Variants in AFF3 observed in about 807,000 individuals in gnomAD.
AFF3 encodes the protein ALF transcription elongation factor 3.
AFF3 carries 32 observed loss-of-function variants against 129.7 expected under a neutral mutation model. The ratio of observed to expected loss-of-function variants is 0.25; its 90% confidence interval spans 0.19 to 0.33. The LOEUF (loss-of-function observed/expected upper bound fraction) is 0.33. AFF3 is among the 10% of genes least tolerant of loss of function. The pLI is 1.00. For missense variants in AFF3, 1,373 were observed against 1,592.0 expected, an observed-to-expected ratio of 0.86 and a Z score of 2.34; for synonymous variants, 644 against 635.4, an observed-to-expected ratio of 1.01 and a Z score of -0.20.
chr2:99,837,505 G>C lies in AFF3; in HGVS notation c.893C>G (p.Thr298Ser). Residue 298 changes from threonine (T) to serine (S), a missense_variant, in exon 8 of 25, where the codon ACC becomes AGC. This residue lies in a region of AFF3 where 413 missense variants were observed against 424.4 expected (regional missense o/e 0.97). Coordinates refer to ENST00000672756, the MANE Select transcript of AFF3 (RefSeq NM_001386135.1). ...GATTATTTCTTCAACACAGCTGTTG[G>C]TTTCTCCAGATCTACTCTCCTGAAA... is the stretch of plus-strand genomic sequence containing the variant. ...KQGEESRSGE[T>S]NSCVEEIIRE... The C allele has an allele frequency of 6.2e-7, 1 of 1,613,676 alleles. No individual in the cohort carries two copies. Among genetic ancestry groups the C allele is most frequent in the South Asian group, 1.1e-5 (1 of 91,066 alleles).
chr2:100,104,772 C>T (rs1691112575), intron 3 of AFF3: 1 of 914,652 alleles, frequency 1.1e-6, no homozygotes, highest in Non-Finnish European at 1.3e-6. Flanking sequence ...CCTCCCCTCC[C>T]TCGCGGCGGC....
At chr2:99,784,853 A>G (rs1189241529) in intron 8 of AFF3, among the ~76,000 whole-genome samples, 2 of 152,210 alleles carry the variant, frequency 1.3e-5, no homozygotes, top group Non-Finnish European at 2.9e-5. Flanking sequence ...AGGTGAGTAC[A>G]TTTTAAGTTA....
At chr2:99,786,806 A>T (rs149417720) in intron 8 of AFF3, among the ~76,000 whole-genome samples, 2 of 152,214 alleles carry the variant, frequency 1.3e-5, no homozygotes, top group Admixed American at 1.3e-4. Flanking sequence ...TCCTTTCCCA[A>T]ACTTTAGCTG....
chr2:100,114,952 A>G (rs902473303), intron 2 of AFF3, among the ~76,000 whole-genome samples: 8 of 152,206 alleles, frequency 5.3e-5, no homozygotes, highest in African/African-American at 1.9e-4. Context: ...GTCAAATTAT[A>G]GGTATGTATT....
At chr2:100,047,019 C>T (rs779813164) in intron 4 of AFF3, among the ~76,000 whole-genome samples, 18 of 117,170 alleles carry the variant, frequency 1.5e-4, no homozygotes, top group Non-Finnish European at 2.6e-4. Flanking sequence ...TTTAAAAATA[C>T]AGATCTACAC....
In AFF3 at chr2:100,105,559, C is replaced by CCGGTCTG. The variant is rs1194777006; in HGVS notation, c.-127_-121dup. On this transcript the variant is annotated 5_prime_UTR_variant, in exon 3 of 25. Coordinates refer to ENST00000672756, the MANE Select transcript of AFF3 (RefSeq NM_001386135.1). ...TCGACTTCAAACTTGCCGCCCGTCT[C>CCGGTCTG]CGGTCTGGAAAGGCAGGTGATCAGC... The CCGGTCTG allele has an allele frequency of 2.3e-6, 3 of 1,332,458 alleles. No individual in the cohort carries two copies. The East Asian group carries it at 1.3e-4, about 56-fold the overall frequency. The allele number at this position is 1,332,458 out of a possible 1,614,324, so 82.5% of individuals were successfully genotyped here.
chr2:100,026,704 AAT>A (rs1374426971), intron 4 of AFF3, among the ~76,000 whole-genome samples: 1 of 131,296 alleles, frequency 7.6e-6, no homozygotes, highest in African/African-American at 2.9e-5. Context: ...TATATAAATA[AAT>A]ATATATATAA....
At chr2:99,653,277 G>C (rs1404438238) in intron 12 of AFF3, among the ~76,000 whole-genome samples, 2 of 152,210 alleles carry the variant, frequency 1.3e-5, no homozygotes, top group East Asian at 3.9e-4. Context: ...ATCTCAGCAG[G>C]AGCCATGAGA....
At chr2:100,104,801 C>T (rs1366640569) in intron 3 of AFF3, 1 of 260,866 alleles carries the variant, frequency 3.8e-6, no homozygotes, top group Non-Finnish European at 5.3e-6. Flanking sequence ...CTGCTGCAGC[C>T]GCCGCCGCCG....
Position 100,075,929 on chromosome 2 carries a change from C to A in AFF3, c.53+28473G>T, listed in dbSNP as rs369989913. On this transcript the variant is annotated intron_variant, in intron 4 of 24. Transcript: ENST00000672756. ...TGTGACCTGGCTACTTAAGACACAG[C>A]CACACCCAAAGGCAGCTCAGATTCT... Among the ~76,000 whole-genome samples the A allele has an allele frequency of 7.9e-5, 12 of 152,286 alleles. No individual in the cohort carries two copies. In the East Asian group the frequency reaches 2.1e-3, roughly 27 times the overall value.
chr2:99,663,419 T>A (rs939256372), intron 12 of AFF3, among the ~76,000 whole-genome samples: 1 of 152,212 alleles, frequency 6.6e-6, no homozygotes, highest in African/African-American at 2.4e-5. Context: ...TTTACATTAT[T>A]TCTAAGAGAC....
rs1687105042 is a variant in AFF3, at chr2:99,814,973, C to G, written c.921+22504G>C. Among the ~76,000 whole-genome samples the G allele has an allele frequency of 2.0e-5, 3 of 151,886 alleles. No individual in the cohort carries two copies. The South Asian group carries it at 6.2e-4, about 32-fold the overall frequency. ...CAAGTGATTCTCATGCCTTAGCCTCCCAAGTAGCTGGGATTACAGGCGTGT... is the reference window on the plus strand; with the variant it reads ...CAAGTGATTCTCATGCCTTAGCCTCGCAAGTAGCTGGGATTACAGGCGTGT... On this transcript the variant is annotated intron_variant, in intron 8 of 24. Transcript: ENST00000672756.
intron 12 of AFF3, among the ~76,000 whole-genome samples, chr2:99,659,061 T>C (rs978959873): frequency 6.6e-6 from 1 of 152,246 alleles, no homozygotes; most frequent in African/African-American, 2.4e-5. Context: ...GGAAGAATTC[T>C]TTTTACCTCC....
intron 7 of AFF3, among the ~76,000 whole-genome samples, chr2:99,906,130 G>A (rs1281253159): frequency 1.3e-5 from 2 of 152,186 alleles, no homozygotes; most frequent in African/African-American, 2.4e-5. Flanking sequence ...TAAATAATGC[G>A]AAGATAAAAC....
chr2:99,850,817 C>T (rs1690089634), intron 7 of AFF3, among the ~76,000 whole-genome samples: 1 of 152,100 alleles, frequency 6.6e-6, no homozygotes, highest in Admixed American at 6.5e-5. Context: ...TCTAAAAGTA[C>T]CAATCTAAAA....
intron 4 of AFF3, among the ~76,000 whole-genome samples, chr2:100,024,424 GAAACCCC>G (rs1313133268): frequency 6.7e-6 from 1 of 149,306 alleles, no homozygotes; most frequent in African/African-American, 2.5e-5. Context: ...CCAACATGGA[GAAACCCC>G]GTCTCTACTA....
chr2:99,731,150 G>T (rs780817319), intron 10 of AFF3, among the ~76,000 whole-genome samples: 40 of 152,108 alleles, frequency 2.6e-4, no homozygotes, highest in Non-Finnish European at 5.3e-4. Flanking sequence ...TAGAGATGGG[G>T]TTTCACCATG....
chr2:99,764,775 A>G (rs546773971), intron 8 of AFF3, among the ~76,000 whole-genome samples: 13 of 152,240 alleles, frequency 8.5e-5, no homozygotes, highest in African/African-American at 3.1e-4. Flanking sequence ...CTCTTGTTAA[A>G]CCCAGGTGAC....
At chr2:99,710,417 C>T (rs563105877) in intron 11 of AFF3, among the ~76,000 whole-genome samples, 3 of 152,122 alleles carry the variant, frequency 2.0e-5, no homozygotes, top group African/African-American at 4.8e-5. Context: ...CTACCATGCC[C>T]GACTAATTTT....
Sources: gnomAD v4.1 joint callset for allele counts (sites outside exome capture counted in the v4.1 genomes callset) on GRCh38, gnomAD v4.1.1 for gene constraint, gnomAD v4.1.1 regional missense constraint, MANE v1.5 for transcripts, NCBI Gene and HGNC (gene_info 2026-07-23, HGNC 2026-07-21) for gene names.